The following SMIM22 variants were observed in gnomAD, a reference collection of about 807,000 sequenced individuals.
SMIM22 encodes the protein cancer associated small integral membrane open reading frame 1.
A neutral mutation model predicts 8.4 loss-of-function variants in SMIM22; 16 were observed. The ratio of observed to expected loss-of-function variants is 1.90; its 90% confidence interval spans 1.29 to 2.89. The LOEUF (loss-of-function observed/expected upper bound fraction) is 2.89. Among genes scored for constraint, SMIM22 ranks in the 30% most tolerant of loss-of-function variants. The probability of loss-of-function intolerance (pLI) is 0.00; values close to 1 mark genes in which losing one functional copy is unlikely to be tolerated. For synonymous variants in SMIM22, 67 were observed against 47.6 expected, an observed-to-expected ratio of 1.41 and a Z score of -1.68; for missense variants, 159 against 107.5, an observed-to-expected ratio of 1.48 and a Z score of -2.12.
chr16:4,792,352 G>A (rs868022012), upstream of SMIM22, among the ~76,000 whole-genome samples: 6 of 151,586 alleles, frequency 4.0e-5, no homozygotes, highest in East Asian at 4.0e-4. Flanking sequence ...CACCACGCCC[G>A]GCTAATTTTT....
chr16:4,794,424 C>CT (rs535561223), upstream of SMIM22, among the ~76,000 whole-genome samples: 1,511 of 127,462 alleles, frequency 0.012, 25 homozygotes, highest in African/African-American at 0.038. Context: ...GTATTTTTAT[C>CT]TTTTTTTTTT....
At chr16:4,791,793 T>C (rs1242680441), upstream of SMIM22, among the ~76,000 whole-genome samples, 5 of 152,092 alleles carry the variant, frequency 3.3e-5, no homozygotes, top group Non-Finnish European at 7.4e-5. Context: ...GTTCAAGTGA[T>C]TCTCCTGCCT....
chr16:4,796,006 C>A lies in SMIM22; in HGVS notation c.183C>A (p.Pro61=). The A allele has an allele frequency of 1.3e-6, 2 of 1,512,208 alleles. No homozygotes were observed. Among genetic ancestry groups the A allele is most frequent in the South Asian group, 1.3e-5 (1 of 79,796 alleles). 93.7% of individuals were successfully genotyped at this position (1,512,208 alleles called of 1,614,324 possible). The change falls in exon 3 of 4, where the codon CCC becomes CCA. Residue 61 remains proline (P), a synonymous_variant. Coordinates refer to ENST00000586005, the MANE Select transcript of SMIM22 (RefSeq NM_001253794.2). ...CCCACTGCTGCTGCTGCAGCTCCCC[C>A]GGGCCCCGCAGGGAAAGCCCCAGGA... The part of the protein sequence containing the change: ...VVAHCCCCSS[P]GPRRESPRKV...
At chr16:4,788,690 A>G (rs535218424) in intron 1 of SMIM22, 1 of 152,222 alleles carries the variant, frequency 6.6e-6, no homozygotes, top group African/African-American at 2.4e-5. Flanking sequence ...TTTAGCAAAT[A>G]TTTACCCAGT....
At chr16:4,793,787 T>A (rs1035685736), upstream of SMIM22, among the ~76,000 whole-genome samples, 1 of 152,232 alleles carries the variant, frequency 6.6e-6, no homozygotes, top group Admixed American at 6.5e-5. Flanking sequence ...TGTATACAAT[T>A]TTTTCTTGAG....
At chr16:4,793,693 G>A (rs552431333), upstream of SMIM22, among the ~76,000 whole-genome samples, 3 of 152,202 alleles carry the variant, frequency 2.0e-5, no homozygotes, top group African/African-American at 7.2e-5. Flanking sequence ...CATCTCTATT[G>A]GACATGTACA....
intron 1 of SMIM22, 131 bp downstream of exon 1, chr16:4,795,580 G>A: frequency 1.8e-6 from 2 of 1,097,908 alleles, no homozygotes; most frequent in Non-Finnish European, 2.5e-6. Flanking sequence ...GGCCGAGGGA[G>A]AAGTGGAGTG....
chr16:4,788,986 C>T (rs1281375488), intron 2 of SMIM22, among the ~76,000 whole-genome samples: 5 of 152,176 alleles, frequency 3.3e-5, no homozygotes, highest in African/African-American at 2.4e-5. Context: ...TGGTCCTCAC[C>T]CCTGCCTTAC....
At chr16:4,790,516 G>A (rs2082535640), upstream of SMIM22, among the ~76,000 whole-genome samples, 2 of 152,158 alleles carry the variant, frequency 1.3e-5, no homozygotes, top group Admixed American at 6.6e-5. Context: ...TCAGCCAGGT[G>A]CGTTGACTCA....
At chr16:4,792,039 A>G (rs1466831335), upstream of SMIM22, among the ~76,000 whole-genome samples, 5 of 151,862 alleles carry the variant, frequency 3.3e-5, no homozygotes, top group Non-Finnish European at 7.4e-5. Flanking sequence ...TAAGAGATAG[A>G]TACGACTTTC....
chr16:4,792,705 G>C (rs2082570685), upstream of SMIM22, among the ~76,000 whole-genome samples: 1 of 151,312 alleles, frequency 6.6e-6, no homozygotes, highest in South Asian at 2.1e-4. Flanking sequence ...GGGAGGCCGA[G>C]GCAGGAGAAT....
In SMIM22 at chr16:4,796,465, C is replaced by T; in HGVS notation, c.*234C>T. 1 of 552,310 alleles carries T rather than the reference C, an allele frequency of 1.8e-6. No individual in the cohort carries two copies. 34.2% of individuals were successfully genotyped at this position (552,310 alleles called of 1,614,324 possible). On this transcript the variant is annotated 3_prime_UTR_variant, in exon 4 of 4. Coordinates refer to ENST00000586005, the MANE Select transcript of SMIM22 (RefSeq NM_001253794.2). ...GGGCGCGGTGGCTCACACCTATAAT[C>T]CCAGCACTTTGGGAGGCCGAGGTGG...
At chr16:4,792,566 C>G (rs1359775231), upstream of SMIM22, among the ~76,000 whole-genome samples, 1 of 150,156 alleles carries the variant, frequency 6.7e-6, no homozygotes, top group East Asian at 2.0e-4. Flanking sequence ...CTTTGGGAGG[C>G]TGAGGGGGGC....
chr16:4,791,637 C>G (rs1004097542), upstream of SMIM22, among the ~76,000 whole-genome samples: 2 of 152,188 alleles, frequency 1.3e-5, no homozygotes, highest in Admixed American at 6.6e-5. Context: ...CTGCCACAGC[C>G]TCCTCCTCCT....
At chr16:4,791,668 T>G (rs2082553156), upstream of SMIM22, among the ~76,000 whole-genome samples, 1 of 152,162 alleles carries the variant, frequency 6.6e-6, no homozygotes, top group Non-Finnish European at 1.5e-5. Context: ...TGCCTGGGAC[T>G]GGGCGGGGCT....
rs369189404 is a variant in SMIM22 at position 4,796,155 on chromosome 16, C to T, written c.226-35C>T. ...GCTCATCCCCCTAGGGAACAACGAG[C>T]GAACCTGCTTGGTCCCGCTGTGCTT... is the stretch of plus-strand genomic sequence containing the variant. On this transcript the variant is annotated intron_variant, in intron 3 of 3. Transcript: ENST00000586005. The T allele has an allele frequency of 3.3e-5, 51 of 1,535,898 alleles. 1 individual carries two copies. The highest frequency in any genetic ancestry group is 2.0e-4 in the Admixed American group (10 of 50,974).
At chr16:4,794,513 C>T (rs998489204), upstream of SMIM22, among the ~76,000 whole-genome samples, 1 of 149,772 alleles carries the variant, frequency 6.7e-6, no homozygotes, top group Non-Finnish European at 1.5e-5. Flanking sequence ...CTCTGCCTCC[C>T]GGGTTCAAGT....
rs181844875 is a variant in SMIM22, at chr16:4,788,689, T to C, written c.-188-40T>C. ...AACATGAAGAGATTGCTTTAGCAAATATTTACCCAGTCCTGACTCTGCACA... is the reference window on the plus strand; with the variant it reads ...AACATGAAGAGATTGCTTTAGCAAACATTTACCCAGTCCTGACTCTGCACA... On this transcript the variant is annotated intron_variant, in intron 1 of 5. Transcript: ENST00000589327. 3.3e-5 allele frequency: 5 copies of C among 152,288 alleles called. No individual in the cohort carries two copies. In the East Asian group the frequency reaches 9.7e-4, roughly 29 times the overall value. 9.4% of individuals were successfully genotyped at this position (152,288 alleles called of 1,614,324 possible).
At chr16:4,795,566 C>T in intron 1 of SMIM22, 117 bp downstream of exon 1, 1 of 975,906 alleles carries the variant, frequency 1.0e-6, no homozygotes, top group Non-Finnish European at 1.5e-6. Context: ...GAAGCTGGGC[C>T]TGGGGCCGAG....
Sources: gnomAD v4.1 joint callset for allele counts (sites outside exome capture counted in the v4.1 genomes callset) on GRCh38, gnomAD v4.1.1 for gene constraint, MANE v1.5 for transcripts, NCBI Gene and HGNC (gene_info 2026-07-23, HGNC 2026-07-21) for gene names.